RBFOX1: variants seen among roughly 807,000 people sequenced by gnomAD.
The protein encoded by RBFOX1 is RNA binding protein fox-1 homolog 1.
RBFOX1 carries 8 observed loss-of-function variants against 57.7 expected under a neutral mutation model. That is an observed-to-expected ratio of 0.14 (90% CI 0.08 to 0.25). The LOEUF is 0.25. Among genes scored for constraint, RBFOX1 ranks in the 10% least tolerant of loss-of-function variants. The pLI is 1.00. For synonymous variants in RBFOX1, 326 were observed against 222.4 expected (o/e 1.47, Z -4.15); for missense variants, 611 against 548.5 (o/e 1.11, Z -1.14).
chr16:7,329,940 G>A (rs1398223157), intron 4 of RBFOX1, among the ~76,000 whole-genome samples: 1 of 152,078 alleles, frequency 6.6e-6, no homozygotes, highest in Non-Finnish European at 1.5e-5. Context: ...ACACAGTCAC[G>A]TGTCCCTTAA....
intron 3 of RBFOX1, among the ~76,000 whole-genome samples, chr16:7,044,870 G>T (rs79940338): frequency 6.6e-6 from 1 of 152,016 alleles, no homozygotes; most frequent in African/African-American, 2.4e-5. Context: ...CTCCCCACCC[G>T]GAGCCTCTCC....
intron 3 of RBFOX1, among the ~76,000 whole-genome samples, chr16:6,825,297 G>A (rs1392977575): frequency 1.3e-5 from 2 of 151,172 alleles, no homozygotes; most frequent in Non-Finnish European, 2.9e-5. Context: ...AAAAATGTCT[G>A]TAGATATTGC....
chr16:6,394,400 G>A, intron 2 of RBFOX1, among the ~76,000 whole-genome samples: 1 of 152,180 alleles, frequency 6.6e-6, no homozygotes. Context: ...AGAACTAACT[G>A]AACTGAATTA....
rs80051980 is a variant in RBFOX1 at position 5,469,810 on chromosome 16, G to C, written c.258+2556G>C. Among the ~76,000 whole-genome samples the C allele has an allele frequency of 3.9e-3, 594 of 152,174 alleles. 21 individuals carry two copies. In the East Asian group the frequency reaches 0.081, roughly 21 times the overall value. On this transcript the variant is annotated intron_variant, in intron 2 of 2. Coordinates refer to the RBFOX1 transcript ENST00000585867. ...CTTTCATTCAGCACAATGTTTTTGA[G>C]GTTTATTCATATCGTAGCATTCTCT...
chr16:6,689,211 T>G (rs1156415887), intron 3 of RBFOX1, among the ~76,000 whole-genome samples: 1 of 152,174 alleles, frequency 6.6e-6, no homozygotes, highest in Non-Finnish European at 1.5e-5. Context: ...CCTCTAAGGC[T>G]GATTATGTCT....
At chr16:6,911,282 C>T (rs1041728478) in intron 3 of RBFOX1, among the ~76,000 whole-genome samples, 2 of 151,736 alleles carry the variant, frequency 1.3e-5, no homozygotes, top group African/African-American at 4.8e-5. Flanking sequence ...AACAAAGTTC[C>T]ACAAACTAGG....
intron 2 of RBFOX1, among the ~76,000 whole-genome samples, chr16:6,591,586 G>C (rs780407056): frequency 6.6e-6 from 1 of 152,200 alleles, no homozygotes; most frequent in Non-Finnish European, 1.5e-5. Flanking sequence ...CACTGGGAGT[G>C]ACCCAGTCAT....
chr16:7,185,235 C>G (rs2083480411), intron 4 of RBFOX1, among the ~76,000 whole-genome samples: 1 of 152,142 alleles, frequency 6.6e-6, no homozygotes. Context: ...CTTATGACCA[C>G]AGAATTAATT....
At chr16:7,045,872 C>T (rs2047752002) in intron 3 of RBFOX1, among the ~76,000 whole-genome samples, 2 of 152,074 alleles carry the variant, frequency 1.3e-5, no homozygotes, top group East Asian at 3.9e-4. Flanking sequence ...TGGCCAGGTT[C>T]TTCTGGAACT....
chr16:6,716,690 C>G (rs1427928736), intron 3 of RBFOX1, among the ~76,000 whole-genome samples: 1 of 152,146 alleles, frequency 6.6e-6, no homozygotes, highest in East Asian at 1.9e-4. Flanking sequence ...TTTTCCATTC[C>G]TCTGGCCTTG....
chr16:6,963,330 C>G (rs1277215104), intron 3 of RBFOX1, among the ~76,000 whole-genome samples: 2 of 151,766 alleles, frequency 1.3e-5, no homozygotes, highest in Non-Finnish European at 2.9e-5. Context: ...AAGTGGGGTT[C>G]TCAGCTTTGA....
intron 1 of RBFOX1, among the ~76,000 whole-genome samples, chr16:6,124,629 A>C (rs2096575773): frequency 6.6e-6 from 1 of 151,888 alleles, no homozygotes; most frequent in Non-Finnish European, 1.5e-5. Flanking sequence ...CAGCCTTCCG[A>C]GTAGTGAGGA....
chr16:7,250,022 C>G (rs558436948), intron 4 of RBFOX1, among the ~76,000 whole-genome samples: 1 of 152,112 alleles, frequency 6.6e-6, no homozygotes. Flanking sequence ...AAAAATAGAA[C>G]CTATTTGTTT....
chr16:5,308,731 A>G (rs1315506840), intron 1 of RBFOX1, among the ~76,000 whole-genome samples: 1 of 145,582 alleles, frequency 6.9e-6, no homozygotes. Context: ...ACTTTCAACT[A>G]TTTGCCTTTG....
intron 4 of RBFOX1, among the ~76,000 whole-genome samples, chr16:7,436,039 G>T (rs2098718980): frequency 6.6e-6 from 1 of 152,132 alleles, no homozygotes; most frequent in Non-Finnish European, 1.5e-5. Context: ...GGGCATGAAA[G>T]CTCCCTGAAC....
chr16:6,020,134 T>C, intron 1 of RBFOX1, 142 bp downstream of exon 1: 2 of 1,021,092 alleles, frequency 2.0e-6, no homozygotes, highest in East Asian at 3.1e-5. Flanking sequence ...CGGGAACTTT[T>C]TCAGGGTGTG....
At chr16:7,236,709 C>T (rs574886566) in intron 4 of RBFOX1, among the ~76,000 whole-genome samples, 21 of 151,436 alleles carry the variant, frequency 1.4e-4, no homozygotes, top group African/African-American at 4.8e-4. Context: ...TTTTTAATTT[C>T]TAAGCCACTG....
chr16:6,887,904 C>T (rs771326408), intron 3 of RBFOX1, among the ~76,000 whole-genome samples: 1 of 152,066 alleles, frequency 6.6e-6, no homozygotes, highest in African/African-American at 2.4e-5. Flanking sequence ...TCAAGTGATC[C>T]ACCCGTCATG....
At chr16:6,730,918 A>T (rs773127313) in intron 3 of RBFOX1, among the ~76,000 whole-genome samples, 3 of 152,164 alleles carry the variant, frequency 2.0e-5, no homozygotes, top group African/African-American at 7.2e-5. Flanking sequence ...GGAGATTTCT[A>T]TCTTTGACAG....
Sources: allele counts gnomAD v4.1 joint callset (sites outside exome capture counted in the v4.1 genomes callset), GRCh38; gene constraint gnomAD v4.1.1; transcripts MANE v1.5; gene names NCBI Gene and HGNC (gene_info 2026-07-23, HGNC 2026-07-21).